SLC5A2: variants seen among roughly 807,000 people sequenced by gnomAD.
The protein encoded by SLC5A2 is solute carrier family 5 member 2.
A neutral mutation model predicts 69.0 loss-of-function variants in SLC5A2; 67 were observed. The ratio of observed to expected loss-of-function variants is 0.97; its 90% CI spans 0.80 to 1.19. SLC5A2 has a LOEUF of 1.19. SLC5A2 is among the 50% of genes most tolerant of loss of function. The pLI is 0.00. For missense variants in SLC5A2, 1,001 were observed against 921.5 expected, an observed-to-expected ratio of 1.09 and a Z score of -1.12; for synonymous variants, 455 against 395.8, an observed-to-expected ratio of 1.15 and a Z score of -1.78.
rs771562669 is a variant in SLC5A2 at position 31,489,112 on chromosome 16, T to G, written c.1450-11T>G. The stretch of plus-strand genomic sequence containing the variant: ...GCACATCCTCAGCAGGCTGACCTGT[T>G]TCCTTCGCAGGGCGCCTTCTGGGGA... On this transcript the variant is annotated splice_polypyrimidine_tract_variant and intron_variant, in intron 11 of 13. Transcript: ENST00000330498. The G allele has an allele frequency of 2.1e-5, 34 of 1,606,460 alleles. No homozygotes were observed. In the South Asian group the frequency reaches 3.7e-4, roughly 18 times the overall value.
At chr16:31,485,608 C>T in intron 3 of SLC5A2, 121 bp from the exon 4 acceptor site, 2 of 1,260,486 alleles carry the variant, frequency 1.6e-6, no homozygotes, top group East Asian at 2.3e-5. Flanking sequence ...TGCAGTTGTC[C>T]TCTGGGCCCC....
intron 4 of SLC5A2, 43 bp downstream of exon 4, chr16:31,485,936 G>A (rs1430314561): frequency 6.2e-7 from 1 of 1,608,746 alleles, no homozygotes; most frequent in Non-Finnish European, 8.5e-7. Context: ...AGAAGGGTGG[G>A]GCTCAAGTGG....
intron 12 of SLC5A2, chr16:31,489,865 T>G (rs2082545277): frequency 1.8e-6 from 1 of 550,312 alleles, no homozygotes; most frequent in Middle Eastern, 5.1e-4. Flanking sequence ...AGACCTGAGC[T>G]GACAAAGCTG....
chr16:31,489,994 C>G (rs865816262), intron 12 of SLC5A2, 110 bp from the exon 13 acceptor site: 21 of 1,448,006 alleles, frequency 1.5e-5, no homozygotes, highest in Middle Eastern at 4.7e-4. Flanking sequence ...GGTGTGTAGA[C>G]TGGACAGAGG....
At chr16:31,483,325 C>T (rs2082470790) in intron 1 of SLC5A2, 63 bp downstream of exon 1, 1 of 1,599,152 alleles carries the variant, frequency 6.3e-7, no homozygotes, top group Non-Finnish European at 8.6e-7. Context: ...GGAAAAGTCT[C>T]AGGGGGACCC....
rs763664783 is a variant in SLC5A2, at chr16:31,483,187, G to A, written c.51G>A (p.Lys17=). ...AGSAPEMGAQ[K]ALIDNPADIL... ...CGGCACCAGAGATGGGGGCCCAGAA[G>A]GCCCTGATTGACAATCCTGCTGACA... is the stretch of plus-strand genomic sequence containing the variant. The change falls in exon 1 of 14, where the codon AAG becomes AAA. Residue 17 remains lysine, a synonymous_variant. Coordinates refer to ENST00000330498, the MANE Select transcript of SLC5A2 (RefSeq NM_003041.4). 5 of 1,613,968 alleles carry A rather than the reference G, an allele frequency of 3.1e-6. No homozygotes were observed. The African/African-American group carries it at 6.7e-5, about 22-fold the overall frequency.
At chr16:31,484,292 G>A (rs2082477784) in intron 1 of SLC5A2, among the ~76,000 whole-genome samples, 1 of 151,802 alleles carries the variant, frequency 6.6e-6, no homozygotes, top group Non-Finnish European at 1.5e-5. Context: ...ATAGTGGCGT[G>A]TGCCTATAAT....
intron 5 of SLC5A2, 58 bp from the exon 6 acceptor site, chr16:31,487,262 C>T (rs2082503045): frequency 6.5e-7 from 1 of 1,537,066 alleles, no homozygotes; most frequent in Admixed American, 1.7e-5. Flanking sequence ...CGCCTTATTG[C>T]TAAGGCCAGC....
rs2082559242 is a variant in SLC5A2, at chr16:31,490,695, C to T, written c.*160C>T. On this transcript the variant is annotated 3_prime_UTR_variant, in exon 14 of 14. Coordinates refer to ENST00000330498, the MANE Select transcript of SLC5A2 (RefSeq NM_003041.4). ...CCTGGGGCCCACTGCATCTGATTGG[C>T]AGTCACTTCCCATGAGGGCCTGGCC... The T allele has an allele frequency of 5.3e-6, 6 of 1,123,666 alleles. No individual in the cohort carries two copies. Among genetic ancestry groups the T allele is most frequent in the Non-Finnish European group, 7.9e-6 (6 of 755,816 alleles). The allele number at this position is 1,123,666 out of a possible 1,614,324, so 69.6% of individuals were successfully genotyped here.
chr16:31,487,578 G>A lies in SLC5A2; in HGVS notation c.704G>A (p.Gly235Glu), dbSNP rs138795531. ...GYSGLFDKYLGAATSLTVSED... is the reference protein window; with the variant it reads ...GYSGLFDKYLEAATSLTVSED... ...TCGGGTCTCTTCGACAAATACCTGG[G>A]AGCAGCGACTTCGCTGACGGTGTCC... is the stretch of plus-strand genomic sequence containing the variant. Residue 235 changes from glycine (G) to glutamate (E), a missense_variant, in exon 7 of 14, where the codon GGA (glycine) becomes GAA (glutamate). Transcript: ENST00000330498. The A allele has an allele frequency of 7.3e-4, 1,177 of 1,613,920 alleles. 2 individuals carry two copies. The highest frequency in any genetic ancestry group is 1.2e-3 in the Admixed American group (74 of 60,032).
At chr16:31,484,602 A>C in intron 1 of SLC5A2, 71 bp from the exon 2 acceptor site, 2 of 1,439,216 alleles carry the variant, frequency 1.4e-6, no homozygotes, top group Non-Finnish European at 1.9e-6. Context: ...AGGCTGAGGA[A>C]TGTGTTGAGG....
chr16:31,490,420 C>A lies in SLC5A2; in HGVS notation c.1904C>A (p.Ala635Glu). 6.2e-7 allele frequency: 1 copy of A among 1,613,696 alleles called. No homozygotes were observed. The highest frequency in any genetic ancestry group is 1.7e-5 in the Admixed American group (1 of 59,976). Residue 635 changes from alanine to glutamate, a missense_variant, in exon 14 of 14, where the codon GCA becomes GAA. Ala to Glu is a moderately radical substitution (Grantham distance 107). Transcript: ENST00000330498. Reference sequence around the variant, plus strand: ...CCCCTTACCCAGGAGGAGGCAGCGGCAGCAGCCAGGCGGCTGGAGGACATC... The same window carrying A: ...CCCCTTACCCAGGAGGAGGCAGCGGAAGCAGCCAGGCGGCTGGAGGACATC... ...PPPLTQEEAA[A>E]AARRLEDISE...
intron 1 of SLC5A2, 23 bp downstream of exon 1, chr16:31,483,285 G>T: frequency 1.2e-6 from 2 of 1,613,654 alleles, no homozygotes; most frequent in Non-Finnish European, 1.7e-6. Context: ...GGGGTGTGCT[G>T]CTGGTGGCTG....
Position 31,488,394 on chromosome 16 carries a change from T to A in SLC5A2, c.1033T>A (p.Cys345Ser). 1.2e-6 allele frequency: 2 copies of A among 1,611,504 alleles called. No individual in the cohort carries two copies. Among genetic ancestry groups the A allele is most frequent in the Non-Finnish European group, 8.5e-7 (1 of 1,179,784 alleles). The change falls in exon 9 of 14, where the codon TGC becomes AGC. Residue 345 changes from cysteine (C) to serine (S), a missense_variant. Physicochemically the swap from Cys to Ser is moderately radical, Grantham distance 112. Transcript: ENST00000330498. ...SRILYPDEVA[C>S]VVPEVCRRVC... ...CCTCTCTCTGGCAGACGAGGTGGCG[T>A]GCGTGGTGCCTGAGGTGTGCAGGCG... is the stretch of plus-strand genomic sequence containing the variant.
In SLC5A2 at chr16:31,489,067, G is replaced by A. The variant is rs373192251; in HGVS notation, c.1449+19G>A. ...TGAGCAGGTGAGCGGCACGCGCGTG[G>A]TGACGGCAGGGCTGGGCTTGCACAT... is the stretch of plus-strand genomic sequence containing the variant. On this transcript the variant is annotated intron_variant, in intron 11 of 13. Coordinates refer to ENST00000330498, the MANE Select transcript of SLC5A2 (RefSeq NM_003041.4). The A allele has an allele frequency of 3.7e-6, 6 of 1,602,196 alleles. No homozygotes were observed. The highest frequency in any genetic ancestry group is 1.6e-4 in the Middle Eastern group (1 of 6,076).
At chr16:31,489,072 G>T (rs145701800) in intron 11 of SLC5A2, 24 bp downstream of exon 11, 2 of 1,602,446 alleles carry the variant, frequency 1.2e-6, no homozygotes, top group Non-Finnish European at 1.7e-6. Context: ...GCGTGGTGAC[G>T]GCAGGGCTGG....
Position 31,486,053 on chromosome 16 carries a change from G to C in SLC5A2, c.469-117G>C, listed in dbSNP as rs2082492964. The C allele has an allele frequency of 2.3e-5, 28 of 1,191,496 alleles. 1 individual carries two copies. The South Asian group carries it at 3.3e-4, about 14-fold the overall frequency. The allele number at this position is 1,191,496 out of a possible 1,614,324, so 73.8% of individuals were successfully genotyped here. On this transcript the variant is annotated intron_variant, in intron 4 of 13. Coordinates refer to ENST00000330498, the MANE Select transcript of SLC5A2 (RefSeq NM_003041.4). The stretch of plus-strand genomic sequence containing the variant: ...GAATGTCTCCGGGGCACCAGCTACA[G>C]TGCTGGGACCTGGAAAAATGGAGGG...
intron 9 of SLC5A2, 51 bp downstream of exon 9, chr16:31,488,541 T>C: frequency 1.2e-6 from 2 of 1,602,234 alleles, no homozygotes; most frequent in Non-Finnish European, 1.7e-6. Context: ...AGCCCGCTGC[T>C]GGGAGGGGTC....
In SLC5A2 at chr16:31,484,752, G is replaced by C; in HGVS notation, c.198+8G>C. On this transcript the variant is annotated splice_region_variant and intron_variant, in intron 2 of 13. Coordinates refer to ENST00000330498, the MANE Select transcript of SLC5A2 (RefSeq NM_003041.4). ...AGCATGGTGTGGTGGCCGGTGAGAC[G>C]GGCTGGGCCGGGAACGGGAGGGGCC... 2 of 1,610,600 alleles carry C rather than the reference G, an allele frequency of 1.2e-6. No individual in the cohort carries two copies. Among genetic ancestry groups the C allele is most frequent in the African/African-American group, 1.3e-5 (1 of 75,046 alleles).
Sources: gnomAD v4.1 joint callset for allele counts (sites outside exome capture counted in the v4.1 genomes callset) on GRCh38, gnomAD v4.1.1 for gene constraint, MANE v1.5 for transcripts, NCBI Gene and HGNC (gene_info 2026-07-23, HGNC 2026-07-21) for gene names.